The following LRRC7 variants were observed in gnomAD, a reference collection of about 807,000 sequenced individuals.
The protein encoded by LRRC7 is leucine-rich repeat-containing protein 7.
Under a neutral mutation model 175.7 loss-of-function variants are expected in LRRC7, and 23 were observed. The observed-to-expected ratio is 0.13, with a 90% CI of 0.09 to 0.19. The LOEUF (loss-of-function observed/expected upper bound fraction) is 0.19. Among genes scored for constraint, LRRC7 ranks in the 10% least tolerant of loss-of-function variants. LRRC7 has a pLI of 1.00. For synonymous variants in LRRC7, 685 were observed against 680.9 expected (o/e 1.01, Z -0.09); for missense variants, 1,354 against 1,904.7 (o/e 0.71, Z 5.38).
chr1:69,568,404 C>T lies in LRRC7; in HGVS notation c.-236C>T, dbSNP rs889501751. The T allele has an allele frequency of 9.3e-6, 2 of 214,678 alleles. No individual in the cohort carries two copies. Among genetic ancestry groups the T allele is most frequent in the South Asian group, 1.1e-4 (2 of 17,438 alleles). The allele number at this position is 214,678 out of a possible 1,614,324, so 13.3% of individuals were successfully genotyped here. A position where few individuals can be genotyped will look rare whatever the true frequency, so the allele number is the denominator to read the frequency against. ...TTCGGGCTTCCCCTCAGCCGCTTCC[C>T]GCGGGAACCTCTCCAGCCGTCCACC... On this transcript the variant is annotated 5_prime_UTR_variant, in exon 1 of 27. Transcript: ENST00000651989.
chr1:69,762,793 A>T (rs970414149), intron 3 of LRRC7, among the ~76,000 whole-genome samples: 6 of 152,094 alleles, frequency 3.9e-5, no homozygotes, highest in African/African-American at 1.4e-4. Flanking sequence ...AACAATAATT[A>T]AAAATAATAT....
At chr1:69,819,585 G>A (rs1394535470) in intron 4 of LRRC7, among the ~76,000 whole-genome samples, 1 of 137,636 alleles carries the variant, frequency 7.3e-6, no homozygotes, top group Non-Finnish European at 1.5e-5. Flanking sequence ...CTCTGTGTGT[G>A]TGTGTGTGTG....
intron 23 of LRRC7, among the ~76,000 whole-genome samples, chr1:70,066,208 T>G (rs1271081661): frequency 6.6e-6 from 1 of 152,008 alleles, no homozygotes; most frequent in Non-Finnish European, 1.5e-5. Context: ...CTCAGTGTAT[T>G]GCATTATCTT....
intron 11 of LRRC7, 130 bp from the exon 12 acceptor site, chr1:70,011,667 T>G: frequency 1.7e-6 from 1 of 584,154 alleles, no homozygotes; most frequent in Non-Finnish European, 3.0e-6. Flanking sequence ...TTTGAACTGG[T>G]AAATTATATA....
chr1:69,698,159 G>A (rs1283540564), intron 2 of LRRC7, among the ~76,000 whole-genome samples: 7 of 152,144 alleles, frequency 4.6e-5, no homozygotes, highest in South Asian at 2.1e-4. Flanking sequence ...ATAACTATCC[G>A]CAAGCTCTGA....
chr1:70,059,927 T>C (rs1407946153), intron 23 of LRRC7, among the ~76,000 whole-genome samples: 1 of 152,082 alleles, frequency 6.6e-6, no homozygotes, highest in Non-Finnish European at 1.5e-5. Flanking sequence ...ATTTAAAAGA[T>C]ATTTAAAAGT....
In LRRC7 at chr1:69,824,061, C is replaced by T. The variant is rs372278172; in HGVS notation, c.422-1687C>T. ...TCACCACAGTAGGCAATTCCATTTT[C>T]AGTAGAAGATAAAGAGACGTCATCT... On this transcript the variant is annotated intron_variant, in intron 4 of 26. Transcript: ENST00000651989. 2.6e-5 allele frequency among the ~76,000 whole-genome samples: 4 copies of T among 152,144 alleles called. No individual in the cohort carries two copies. In the East Asian group the frequency reaches 7.7e-4, roughly 29 times the overall value.
At chr1:69,885,449 G>C (rs1309824600) in intron 7 of LRRC7, among the ~76,000 whole-genome samples, 3 of 143,420 alleles carry the variant, frequency 2.1e-5, no homozygotes, top group East Asian at 4.1e-4. Context: ...ATTTCTGTGG[G>C]ATCGGTGGTG....
At chr1:69,624,887 C>A (rs1178552375) in intron 1 of LRRC7, among the ~76,000 whole-genome samples, 2 of 152,074 alleles carry the variant, frequency 1.3e-5, no homozygotes, top group Non-Finnish European at 2.9e-5. Flanking sequence ...TACCATATAT[C>A]TTTATTACTG....
At chr1:70,056,904 A>G (rs899489176) in intron 23 of LRRC7, among the ~76,000 whole-genome samples, 1 of 152,214 alleles carries the variant, frequency 6.6e-6, no homozygotes, top group African/African-American at 2.4e-5. Context: ...AATGATGCAC[A>G]GAAACGTCAA....
intron 7 of LRRC7, among the ~76,000 whole-genome samples, chr1:69,838,584 T>C (rs1187897680): frequency 6.6e-6 from 1 of 151,926 alleles, no homozygotes; most frequent in Non-Finnish European, 1.5e-5. Flanking sequence ...TTCTTATAGC[T>C]AAAAACAATA....
rs573001395 is a variant in LRRC7, at chr1:69,644,359, G to T, written c.3-34022G>T. On this transcript the variant is annotated intron_variant, in intron 1 of 26. Coordinates refer to ENST00000651989, the MANE Select transcript of LRRC7 (RefSeq NM_001370785.2). ...CTTACTTGGTGCAAACACATTTACG[G>T]TTGCTACATCTTCCTGATGAATTAT... 5.3e-5 allele frequency among the ~76,000 whole-genome samples: 8 copies of T among 151,864 alleles called. No individual in the cohort carries two copies. The South Asian group carries it at 1.7e-3, about 32-fold the overall frequency.
intron 3 of LRRC7, among the ~76,000 whole-genome samples, chr1:69,762,026 A>G (rs934481413): frequency 6.6e-6 from 1 of 151,998 alleles, no homozygotes; most frequent in Non-Finnish European, 1.5e-5. Flanking sequence ...TAAATTCAGA[A>G]ACAGACAACA....
chr1:70,081,829 C>G (rs886478915), intron 24 of LRRC7, among the ~76,000 whole-genome samples: 1 of 152,166 alleles, frequency 6.6e-6, no homozygotes, highest in African/African-American at 2.4e-5. Context: ...GCAGGAGCTC[C>G]ATGGCTGTCT....
chr1:69,794,093 C>A (rs1052726278), intron 4 of LRRC7, among the ~76,000 whole-genome samples: 15 of 152,124 alleles, frequency 9.9e-5, no homozygotes, highest in Non-Finnish European at 1.2e-4. Flanking sequence ...GGGAAGAGTT[C>A]AAGTAAAAGA....
chr1:69,739,205 A>T (rs947518243), intron 2 of LRRC7, among the ~76,000 whole-genome samples: 1 of 152,106 alleles, frequency 6.6e-6, no homozygotes, highest in Non-Finnish European at 1.5e-5. Context: ...TTCTTCTCTG[A>T]CTTAGAAAAT....
rs6701410 is a variant in LRRC7, at chr1:69,689,769, A to G, written c.100+11291A>G. ...CTCTAATAGTAAGCTAGAAAATCCT[A>G]TTACATATTATGCTTCTATTAATAC... On this transcript the variant is annotated intron_variant, in intron 2 of 26. Transcript: ENST00000651989. Among the ~76,000 whole-genome samples, 155 of 152,330 alleles carry G rather than the reference A, an allele frequency of 1.0e-3. 2 individuals are homozygous for G. Among genetic ancestry groups the G allele is most frequent in the African/African-American group, 3.6e-3 (151 of 41,582 alleles).
chr1:69,749,959 G>A (rs1289680026), intron 2 of LRRC7, among the ~76,000 whole-genome samples: 2 of 151,992 alleles, frequency 1.3e-5, no homozygotes, highest in African/African-American at 2.4e-5. Flanking sequence ...TATTCGGGAG[G>A]CTGAGGCAGG....
intron 1 of LRRC7, among the ~76,000 whole-genome samples, chr1:69,600,420 A>T (rs1773314): frequency 0.15 from 23,029 of 152,044 alleles, 1,926 homozygotes; most frequent in Admixed American, 0.19. Flanking sequence ...TTGACAGTTG[A>T]GATGTGTAGT....
Sources: allele counts gnomAD v4.1 joint callset (sites outside exome capture counted in the v4.1 genomes callset), GRCh38; gene constraint gnomAD v4.1.1; transcripts MANE v1.5; gene names NCBI Gene and HGNC (gene_info 2026-07-23, HGNC 2026-07-21).